Variants in ANO6 observed in about 807,000 individuals in gnomAD.
The protein encoded by ANO6 is anoctamin-6.
ANO6 carries 106 observed loss-of-function variants against 117.5 expected under a neutral mutation model. The observed-to-expected ratio is 0.90, with a 90% CI of 0.77 to 1.06. The LOEUF is 1.06. Ranked by LOEUF, ANO6 falls within the 50% of genes least tolerant of loss-of-function variation. ANO6 has a pLI of 0.00. For synonymous variants in ANO6, 367 were observed against 385.1 expected (o/e 0.95, Z 0.55); for missense variants, 955 against 1,121.1 (o/e 0.85, Z 2.12).
intron 1 of ANO6, among the ~76,000 whole-genome samples, chr12:45,251,127 G>C (rs900810452): frequency 2.0e-5 from 3 of 152,052 alleles, no homozygotes; most frequent in Non-Finnish European, 4.4e-5. Flanking sequence ...GGTGAGATAT[G>C]AGGAAACCAA....
At position 45,216,299 on chromosome 12, in the gene ANO6, C is replaced by A. The variant is rs1215394283; in HGVS notation, c.-23C>A. ...GGAGCCCCCAACTTCGCGCCAAGTT[C>A]GGAGCCGCCTTCTGAGGGAGACATG... On this transcript the variant is annotated 5_prime_UTR_variant, in exon 1 of 20. Coordinates refer to ENST00000320560, the MANE Select transcript of ANO6 (RefSeq NM_001025356.3). 21 of 1,595,998 alleles carry A rather than the reference C, an allele frequency of 1.3e-5. No homozygotes were observed. In the Admixed American group the frequency reaches 3.7e-4, roughly 28 times the overall value.
chr12:45,227,081 T>C (rs977715510), intron 1 of ANO6, among the ~76,000 whole-genome samples: 2 of 150,000 alleles, frequency 1.3e-5, no homozygotes, highest in African/African-American at 4.9e-5. Flanking sequence ...CTCTGCCTCC[T>C]GGGTTCAAGC....
At chr12:45,291,532 G>T (rs1240066051) in intron 1 of ANO6, among the ~76,000 whole-genome samples, 1 of 152,026 alleles carries the variant, frequency 6.6e-6, no homozygotes, top group Non-Finnish European at 1.5e-5. Context: ...CTTACAGAAT[G>T]GGAGAAATAT....
chr12:45,266,073 A>G (rs989739298), intron 1 of ANO6, among the ~76,000 whole-genome samples: 1 of 152,186 alleles, frequency 6.6e-6, no homozygotes, highest in Non-Finnish European at 1.5e-5. Context: ...CTGGCCATTC[A>G]AGGCAAAAGT....
At chr12:45,303,338 C>T (rs1350807444) in intron 2 of ANO6, among the ~76,000 whole-genome samples, 2 of 152,118 alleles carry the variant, frequency 1.3e-5, no homozygotes, top group Admixed American at 1.3e-4. Context: ...CTAACTTTTG[C>T]AGTTAGAGAC....
chr12:45,406,122 T>A (rs1942929123), intron 15 of ANO6, among the ~76,000 whole-genome samples: 1 of 152,238 alleles, frequency 6.6e-6, no homozygotes, highest in African/African-American at 2.4e-5. Context: ...CTAGGATTCT[T>A]GCAACAAGGA....
intron 8 of ANO6, among the ~76,000 whole-genome samples, chr12:45,360,226 A>G (rs1210633316): frequency 1.3e-5 from 2 of 152,222 alleles, no homozygotes; most frequent in Non-Finnish European, 2.9e-5. Flanking sequence ...GGTAATTTGT[A>G]AAGAATAGAA....
At chr12:45,358,243 T>G (rs59728495) in intron 8 of ANO6, among the ~76,000 whole-genome samples, 4,948 of 152,276 alleles carry the variant, frequency 0.032, 244 homozygotes, top group African/African-American at 0.11. Context: ...TGCTCCTGAG[T>G]TAGGTTGCTT....
chr12:45,365,180 CAG>C (rs895595732), intron 8 of ANO6, among the ~76,000 whole-genome samples: 1 of 152,186 alleles, frequency 6.6e-6, no homozygotes, highest in Non-Finnish European at 1.5e-5. Context: ...AACGCTCCAG[CAG>C]GTAGTTTTCA....
At chr12:45,298,002 G>A (rs577802078) in intron 1 of ANO6, among the ~76,000 whole-genome samples, 2 of 152,310 alleles carry the variant, frequency 1.3e-5, no homozygotes, top group African/African-American at 4.8e-5. Context: ...TTACCACACA[G>A]TGTGCAAAAT....
intron 1 of ANO6, among the ~76,000 whole-genome samples, chr12:45,288,983 A>G (rs1396449605): frequency 6.6e-6 from 1 of 151,588 alleles, no homozygotes; most frequent in Non-Finnish European, 1.5e-5. Context: ...ACATTTTATA[A>G]TCTACTTTTT....
At chr12:45,230,865 G>C (rs768850599) in intron 1 of ANO6, among the ~76,000 whole-genome samples, 1 of 152,046 alleles carries the variant, frequency 6.6e-6, no homozygotes, top group Non-Finnish European at 1.5e-5. Flanking sequence ...AAAATTTTAG[G>C]CTGGGTGCAG....
chr12:45,220,361 A>G (rs1169341833), intron 1 of ANO6, among the ~76,000 whole-genome samples: 3 of 152,178 alleles, frequency 2.0e-5, no homozygotes, highest in South Asian at 4.1e-4. Flanking sequence ...TTTGAGAGAT[A>G]ATGATCCAGC....
At chr12:45,422,915 C>A in intron 18 of ANO6, 42 bp from the exon 19 acceptor site, 1 of 1,437,948 alleles carries the variant, frequency 7.0e-7, no homozygotes, top group South Asian at 1.1e-5. Context: ...AGTATTCAGT[C>A]AAAAAGATTT....
intron 1 of ANO6, among the ~76,000 whole-genome samples, chr12:45,223,322 G>A (rs1283321837): frequency 6.6e-6 from 1 of 152,176 alleles, no homozygotes; most frequent in African/African-American, 2.4e-5. Context: ...ACCATCTCCA[G>A]GTAAATAGTG....
intron 1 of ANO6, among the ~76,000 whole-genome samples, chr12:45,266,085 A>T (rs1938205580): frequency 1.3e-5 from 2 of 152,352 alleles, no homozygotes; most frequent in East Asian, 3.9e-4. Flanking sequence ...GGCAAAAGTG[A>T]TTCCACCTTC....
chr12:45,440,034 T>C, exon 20 of ANO6: 1 of 1,241,398 alleles, frequency 8.1e-7, no homozygotes, highest in South Asian at 2.7e-5. Context: ...GTTTGGCTCA[T>C]TAATATTCCA....
chr12:45,218,011 A>G (rs1340210715), intron 1 of ANO6, among the ~76,000 whole-genome samples: 3 of 152,210 alleles, frequency 2.0e-5, no homozygotes, highest in African/African-American at 7.2e-5. Flanking sequence ...GTGTTTACCT[A>G]TTGAGGCATC....
chr12:45,329,036 G>A lies in ANO6; in HGVS notation c.151-2259G>A, dbSNP rs146984961. Among the ~76,000 whole-genome samples, 328 of 152,238 alleles carry A rather than the reference G, an allele frequency of 2.2e-3. 3 individuals carry two copies. The highest frequency in any genetic ancestry group is 7.5e-3 in the African/African-American group (311 of 41,542). On this transcript the variant is annotated intron_variant, in intron 2 of 19. Transcript: ENST00000320560. ...GACAACCGTGTCAGGGGAGGAATAG[G>A]CTATTTGGGAATTCCCATACAGTAA...
Sources: allele counts gnomAD v4.1 joint callset (sites outside exome capture counted in the v4.1 genomes callset), GRCh38; gene constraint gnomAD v4.1.1; transcripts MANE v1.5; gene names NCBI Gene and HGNC (gene_info 2026-07-23, HGNC 2026-07-21).